The following LPGAT1 variants were observed in gnomAD, a reference collection of about 807,000 sequenced individuals.
The protein encoded by LPGAT1 is lysophosphatidylglycerol acyltransferase 1.
LPGAT1 carries 11 observed loss-of-function variants against 47.5 expected under a neutral mutation model. The observed-to-expected ratio is 0.23, with a 90% CI of 0.15 to 0.38. The LOEUF (loss-of-function observed/expected upper bound fraction) is 0.38, where lower values mean the gene tolerates loss of function less well. Ranked by LOEUF, LPGAT1 falls within the 10% of genes least tolerant of loss-of-function variation. The pLI is 1.00. For missense variants in LPGAT1, 293 were observed against 439.0 expected, an observed-to-expected ratio of 0.67 and a Z score of 2.97; for synonymous variants, 138 against 144.2, an observed-to-expected ratio of 0.96 and a Z score of 0.31.
rs373021672 is a variant in LPGAT1, at chr1:211,784,490, C to CA, written c.454-989dup. ...TGGGTGATAGAGTGAGACCCTGTCT[C>CA]AAAAAAAAAAAAAAAAAGAAAAAAG... is the stretch of plus-strand genomic sequence containing the variant. On this transcript the variant is annotated intron_variant, in intron 4 of 7. Transcript: ENST00000366997. 1.4e-3 allele frequency among the ~76,000 whole-genome samples: 153 copies of CA among 112,466 alleles called. 1 individual carries two copies. Among genetic ancestry groups the CA allele is most frequent in the Middle Eastern group, 4.3e-3 (1 of 232 alleles). 73.8% of individuals were successfully genotyped at this position (112,466 alleles called of 152,430 possible).
rs1382729546 is a variant in LPGAT1, at chr1:211,748,185, A to G, written c.*1714T>C. On this transcript the variant is annotated 3_prime_UTR_variant, in exon 8 of 8. Coordinates refer to ENST00000366997, the MANE Select transcript of LPGAT1 (RefSeq NM_014873.3). ...ATTAGTGACAACGGGGGAATCTACA[A>G]TGCTCACATCACAGTAAACTACCAC... 6.6e-6 allele frequency: 1 copy of G among 152,570 alleles called. No homozygotes were observed. Among genetic ancestry groups the G allele is most frequent in the African/African-American group, 2.4e-5 (1 of 41,424 alleles). The allele number at this position is 152,570 out of a possible 1,614,324, so 9.5% of individuals were successfully genotyped here.
Position 211,830,477 on chromosome 1 carries a change from C to T in LPGAT1, c.-28+96G>A. ...TCAGGCCGCTGCCGCCTCCCCGGGC[C>T]ACGCGACGACGACACCCCCTTCCCC... is the stretch of plus-strand genomic sequence containing the variant. On this transcript the variant is annotated intron_variant, in intron 1 of 7. Coordinates refer to ENST00000366997, the MANE Select transcript of LPGAT1 (RefSeq NM_014873.3). This position sits in a 1 kb window ranked among gnomAD's most constrained non-coding sequence, Gnocchi z 5.9. 4.2e-6 allele frequency: 5 copies of T among 1,187,350 alleles called. No homozygotes were observed. In the South Asian group the frequency reaches 1.7e-4, roughly 41 times the overall value. 73.6% of individuals were successfully genotyped at this position (1,187,350 alleles called of 1,614,324 possible).
intron 2 of LPGAT1, among the ~76,000 whole-genome samples, chr1:211,801,926 A>AT (rs139125898): frequency 2.6e-5 from 4 of 151,088 alleles, no homozygotes; most frequent in Admixed American, 6.6e-5. Flanking sequence ...CTAAAAAAAA[A>AT]TTTTTTTTTA....
chr1:211,755,363 A>T (rs1170434124), intron 6 of LPGAT1, among the ~76,000 whole-genome samples: 1 of 151,838 alleles, frequency 6.6e-6, no homozygotes, highest in African/African-American at 2.4e-5. Context: ...AAAAATAAAT[A>T]AAAAATTTTA....
At chr1:211,774,488 G>T (rs1369277469) in intron 6 of LPGAT1, among the ~76,000 whole-genome samples, 1 of 152,070 alleles carries the variant, frequency 6.6e-6, no homozygotes, top group East Asian at 1.9e-4. Context: ...GCAACTTCTG[G>T]CCACCAGAGT....
chr1:211,771,282 C>A (rs1439345035), intron 6 of LPGAT1, among the ~76,000 whole-genome samples: 1 of 151,962 alleles, frequency 6.6e-6, no homozygotes, highest in East Asian at 1.9e-4. Context: ...GTAGGTTATA[C>A]CATCTAGGTT....
At chr1:211,753,702 T>C (rs1482535611) in intron 6 of LPGAT1, among the ~76,000 whole-genome samples, 2 of 152,246 alleles carry the variant, frequency 1.3e-5, no homozygotes. Context: ...AAGCAGACCT[T>C]GCCCTGTATA....
chr1:211,779,976 G>A (rs12410970), intron 5 of LPGAT1, among the ~76,000 whole-genome samples: 45,293 of 152,018 alleles, frequency 0.3, 8,015 homozygotes, highest in Non-Finnish European at 0.41. Flanking sequence ...TAGGAAGTTC[G>A]AGACCAGTCT....
At chr1:211,815,939 C>T (rs1367716368) in intron 2 of LPGAT1, among the ~76,000 whole-genome samples, 4 of 151,860 alleles carry the variant, frequency 2.6e-5, no homozygotes, top group Non-Finnish European at 5.9e-5. Context: ...CCACCACGCC[C>T]GGCTAATTTT....
intron 4 of LPGAT1, among the ~76,000 whole-genome samples, chr1:211,784,970 AT>A (rs1292021946): frequency 6.6e-6 from 1 of 151,488 alleles, no homozygotes. Context: ...CACCCGGCTA[AT>A]TTTTTTTGTT....
rs55768405 is a variant in LPGAT1 at position 211,766,176 on chromosome 1, G to T, written c.854+12742C>A. Reference sequence around the variant, plus strand: ...TACACCATCAGCTCCCCAGTTCTTCGGCTTTCAGACTTAGACTAGAACTGA... The same window carrying T: ...TACACCATCAGCTCCCCAGTTCTTCTGCTTTCAGACTTAGACTAGAACTGA... On this transcript the variant is annotated intron_variant, in intron 6 of 7. Transcript: ENST00000366997. Among the ~76,000 whole-genome samples, 495 of 152,104 alleles carry T rather than the reference G, an allele frequency of 3.3e-3. 1 individual carries two copies. The highest frequency in any genetic ancestry group is 0.01 in the Middle Eastern group (3 of 294).
At chr1:211,827,391 A>T (rs1660572210) in intron 2 of LPGAT1, among the ~76,000 whole-genome samples, 1 of 152,234 alleles carries the variant, frequency 6.6e-6, no homozygotes, top group African/African-American at 2.4e-5. Context: ...ACTAACTTTG[A>T]CTTCAAGCAG....
chr1:211,828,373 A>C (rs1253705413), intron 2 of LPGAT1, among the ~76,000 whole-genome samples: 1 of 152,238 alleles, frequency 6.6e-6, no homozygotes, highest in Non-Finnish European at 1.5e-5. Flanking sequence ...AACACTTCTC[A>C]TTTAGTTCTA....
At chr1:211,750,554 C>T (rs930120803) in intron 7 of LPGAT1, among the ~76,000 whole-genome samples, 1 of 152,198 alleles carries the variant, frequency 6.6e-6, no homozygotes, top group Non-Finnish European at 1.5e-5. Flanking sequence ...TGAAATAGCA[C>T]ACTTTATGCT....
At chr1:211,770,261 C>T (rs1658109271) in intron 6 of LPGAT1, among the ~76,000 whole-genome samples, 1 of 152,154 alleles carries the variant, frequency 6.6e-6, no homozygotes, top group Admixed American at 6.6e-5. Context: ...TAAAATATTG[C>T]TAAACTGCTC....
At chr1:211,817,708 C>A (rs1264242388) in intron 2 of LPGAT1, among the ~76,000 whole-genome samples, 2 of 152,138 alleles carry the variant, frequency 1.3e-5, no homozygotes, top group Non-Finnish European at 2.9e-5. Flanking sequence ...TAATAGGATA[C>A]ATGAAACTTG....
Position 211,745,312 on chromosome 1 carries a change from T to C in LPGAT1, c.*4587A>G, listed in dbSNP as rs1656899727. 1 of 152,302 alleles carries C rather than the reference T, an allele frequency of 6.6e-6. No homozygotes were observed. The highest frequency in any genetic ancestry group is 2.1e-4 in the South Asian group (1 of 4,832). 9.4% of individuals were successfully genotyped at this position (152,302 alleles called of 1,614,324 possible). A position where few individuals can be genotyped will look rare whatever the true frequency, so the allele number is the denominator to read the frequency against. On this transcript the variant is annotated 3_prime_UTR_variant, in exon 8 of 8. Transcript: ENST00000366997. ...TCTGTATAAAATAAATACAATTTTA[T>C]AATAACTGTAAAGAAAATGAAAGCA...
At chr1:211,822,309 TA>T (rs982771438) in intron 2 of LPGAT1, among the ~76,000 whole-genome samples, 1 of 152,162 alleles carries the variant, frequency 6.6e-6, no homozygotes, top group African/African-American at 2.4e-5. Context: ...ATCTTTGAAA[TA>T]AGGACATCAA....
chr1:211,751,820 T>C (rs770726174), intron 6 of LPGAT1, among the ~76,000 whole-genome samples: 3 of 152,158 alleles, frequency 2.0e-5, no homozygotes, highest in East Asian at 1.9e-4. Context: ...AAAAATATAT[T>C]TGTATGAAAA....
Sources: gnomAD v4.1 joint callset for allele counts (sites outside exome capture counted in the v4.1 genomes callset) on GRCh38, gnomAD v4.1.1 for gene constraint, Gnocchi (gnomAD v3.1) non-coding constraint, MANE v1.5 for transcripts, NCBI Gene and HGNC (gene_info 2026-07-23, HGNC 2026-07-21) for gene names.